The following CFAP20DC variants were observed in gnomAD, a reference collection of about 807,000 sequenced individuals.
CFAP20DC encodes the protein CFAP20 domain containing, also known as protein CFAP20DC.
A neutral mutation model predicts 101.7 loss-of-function variants in CFAP20DC; 84 were observed. The ratio of observed to expected loss-of-function variants is 0.83; its 90% CI spans 0.69 to 0.99. The LOEUF is 0.99. CFAP20DC is among the 50% of genes least tolerant of loss of function. The pLI is 0.00. For missense variants in CFAP20DC, 1,007 were observed against 970.3 expected (o/e 1.04, Z -0.50); for synonymous variants, 359 against 351.2 (o/e 1.02, Z -0.25).
At position 59,001,234 on chromosome 3, in the gene CFAP20DC, T is replaced by A. The variant is rs1377263879; in HGVS notation, c.278+38323A>T. ...ATTTATGTACTTAATTTCTATACTT[T>A]ATCCTTGAAGATTCTTTGATACTAC... is the stretch of plus-strand genomic sequence containing the variant. On this transcript the variant is annotated intron_variant, in intron 4 of 16. Coordinates refer to ENST00000482387, the MANE Select transcript of CFAP20DC (RefSeq NM_001394063.1). This position sits in a 1 kb window ranked among gnomAD's most constrained non-coding sequence, Gnocchi z 4.5. Among the ~76,000 whole-genome samples, 1 of 152,180 alleles carries A rather than the reference T, an allele frequency of 6.6e-6. No homozygotes were observed. Among genetic ancestry groups the A allele is most frequent in the Non-Finnish European group, 1.5e-5 (1 of 68,020 alleles).
chr3:58,951,347 G>A (rs1294857020), intron 4 of CFAP20DC, among the ~76,000 whole-genome samples: 2 of 152,214 alleles, frequency 1.3e-5, no homozygotes, highest in Admixed American at 1.3e-4. Context: ...AAGTCAGTAT[G>A]GCGATTCCTC....
At position 58,913,469 on chromosome 3, in the gene CFAP20DC, T is replaced by C; in HGVS notation, c.550+239A>G. The C allele has an allele frequency of 1.7e-6, 1 of 602,926 alleles. No individual in the cohort carries two copies. The highest frequency in any genetic ancestry group is 2.9e-6 in the Non-Finnish European group (1 of 341,802). The allele number at this position is 602,926 out of a possible 1,614,324, so 37.3% of individuals were successfully genotyped here. A position where few individuals can be genotyped will look rare whatever the true frequency, so the allele number is the denominator to read the frequency against. On this transcript the variant is annotated intron_variant, in intron 6 of 16. Coordinates refer to ENST00000482387, the MANE Select transcript of CFAP20DC (RefSeq NM_001394063.1). This position sits in a 1 kb window ranked among gnomAD's most constrained non-coding sequence, Gnocchi z 4.4. ...GGAGCCTAAGACAGATAGCAAGTGT[T>C]ACCATAAAGAAAAAAGAAAACAACC...
chr3:59,025,960 A>G (rs1471000604), intron 4 of CFAP20DC, among the ~76,000 whole-genome samples: 1 of 152,150 alleles, frequency 6.6e-6, no homozygotes, highest in African/African-American at 2.4e-5. Flanking sequence ...TTTCATAAAC[A>G]TATGTTTAAT....
intron 4 of CFAP20DC, among the ~76,000 whole-genome samples, chr3:58,966,153 C>A (rs2091504187): frequency 6.6e-6 from 1 of 152,206 alleles, no homozygotes; most frequent in Non-Finnish European, 1.5e-5. Context: ...TCCTGCCACA[C>A]ACAAGCTTGA....
chr3:58,864,883 TTAAAA>T lies in CFAP20DC; in HGVS notation c.1259-996_1259-992del, dbSNP rs2079547468. Among the ~76,000 whole-genome samples the T allele has an allele frequency of 6.6e-6, 1 of 152,216 alleles. No homozygotes were observed. The highest frequency in any genetic ancestry group is 1.5e-5 in the Non-Finnish European group (1 of 68,042). The stretch of plus-strand genomic sequence containing the variant: ...ACCTTTTAGCACATTATTGTTTTCT[TTAAAA>T]TACCATACACTACAGGGAAATATAT... On this transcript the variant is annotated intron_variant, in intron 11 of 16. Transcript: ENST00000482387. The surrounding 1 kb of genome is among the most constrained non-coding windows in gnomAD (Gnocchi z 4.7).
Position 58,971,055 on chromosome 3 carries a change from A to T in CFAP20DC, c.279-33293T>A, listed in dbSNP as rs1267348542. On this transcript the variant is annotated intron_variant, in intron 4 of 16. Transcript: ENST00000482387. This position sits in a 1 kb window ranked among gnomAD's most constrained non-coding sequence, Gnocchi z 4.1. ...CAAGCATACACTTTGCCATAAATTG[A>T]CAACAAATTCACCCTTCATTTTAGG... Among the ~76,000 whole-genome samples the T allele has an allele frequency of 6.6e-6, 1 of 152,196 alleles. No individual in the cohort carries two copies. Among genetic ancestry groups the T allele is most frequent in the Non-Finnish European group, 1.5e-5 (1 of 68,034 alleles).
At chr3:58,747,936 T>C (rs1407632947) in intron 16 of CFAP20DC, among the ~76,000 whole-genome samples, 3 of 152,204 alleles carry the variant, frequency 2.0e-5, no homozygotes, top group Non-Finnish European at 2.9e-5. Flanking sequence ...TAGAGGGCTA[T>C]ATTGTTTTTG....
intron 4 of CFAP20DC, among the ~76,000 whole-genome samples, chr3:58,950,951 A>G (rs2090032640): frequency 6.6e-6 from 1 of 152,232 alleles, no homozygotes; most frequent in African/African-American, 2.4e-5. Flanking sequence ...AGCAAAAGAA[A>G]CTACCATCAG....
At chr3:58,884,818 G>T (rs2081489665) in intron 6 of CFAP20DC, 109 bp from the exon 7 acceptor site, 4 of 897,850 alleles carry the variant, frequency 4.5e-6, no homozygotes, top group South Asian at 1.8e-5. Context: ...GTATGACTTT[G>T]TACGAGTTAT....
At chr3:58,944,514 A>G (rs1489193999) in intron 4 of CFAP20DC, among the ~76,000 whole-genome samples, 2 of 152,212 alleles carry the variant, frequency 1.3e-5, no homozygotes, top group Non-Finnish European at 2.9e-5. Flanking sequence ...TATGCCGACT[A>G]CTATTCCAGG....
intron 4 of CFAP20DC, chr3:59,018,296 A>G (rs1001975978): frequency 1.3e-5 from 2 of 152,138 alleles, no homozygotes; most frequent in African/African-American, 4.8e-5. Context: ...TAATTAGTTC[A>G]GGCAAGAATC....
chr3:58,794,857 CG>C (rs2073119923), intron 15 of CFAP20DC, among the ~76,000 whole-genome samples: 1 of 152,108 alleles, frequency 6.6e-6, no homozygotes, highest in Admixed American at 6.5e-5. Context: ...ACTCATCGAG[CG>C]TTGCTGAAAG....
At chr3:58,889,080 T>G (rs1010269567) in intron 6 of CFAP20DC, among the ~76,000 whole-genome samples, 1 of 152,148 alleles carries the variant, frequency 6.6e-6, no homozygotes, top group African/African-American at 2.4e-5. Context: ...ATATTAAAAT[T>G]ATTAACTTTC....
At chr3:58,982,368 C>A (rs1053302056) in intron 4 of CFAP20DC, among the ~76,000 whole-genome samples, 2 of 152,066 alleles carry the variant, frequency 1.3e-5, no homozygotes, top group East Asian at 3.9e-4. Context: ...TGGGTATATA[C>A]CCAAAGGATT....
At chr3:58,775,890 C>T (rs2071294761) in intron 15 of CFAP20DC, among the ~76,000 whole-genome samples, 1 of 151,998 alleles carries the variant, frequency 6.6e-6, no homozygotes, top group Non-Finnish European at 1.5e-5. Context: ...GGATTACAGG[C>T]ATGCACCACC....
At chr3:58,832,811 T>C (rs2076487167) in intron 13 of CFAP20DC, among the ~76,000 whole-genome samples, 1 of 152,194 alleles carries the variant, frequency 6.6e-6, no homozygotes, top group Admixed American at 6.5e-5. Context: ...TTCCCTTTCT[T>C]TCTCTCTGGC....
At chr3:58,982,764 G>A (rs1054290324) in intron 4 of CFAP20DC, among the ~76,000 whole-genome samples, 2 of 150,082 alleles carry the variant, frequency 1.3e-5, no homozygotes, top group African/African-American at 4.9e-5. Context: ...GCTAAATGAC[G>A]AGTTAATGGG....
At chr3:59,023,039 G>C (rs1227752869) in intron 4 of CFAP20DC, among the ~76,000 whole-genome samples, 1 of 152,012 alleles carries the variant, frequency 6.6e-6, no homozygotes. Flanking sequence ...CTTCATACAT[G>C]GCAGAGCAAA....
intron 15 of CFAP20DC, among the ~76,000 whole-genome samples, chr3:58,797,358 C>CT (rs1461527077): frequency 6.6e-6 from 1 of 152,168 alleles, no homozygotes; most frequent in Admixed American, 6.5e-5. Context: ...TTTGAGTGGT[C>CT]TGGATGGAAC....
Sources: allele counts gnomAD v4.1 joint callset (sites outside exome capture counted in the v4.1 genomes callset), GRCh38; gene constraint gnomAD v4.1.1; non-coding constraint Gnocchi (gnomAD v3.1); transcripts MANE v1.5; gene names NCBI Gene and HGNC (gene_info 2026-07-23, HGNC 2026-07-21).